SPAG9: variants seen among roughly 807,000 people sequenced by gnomAD.
SPAG9 encodes C-Jun-amino-terminal kinase-interacting protein 4.
A neutral mutation model predicts 166.5 loss-of-function variants in SPAG9; 35 were observed. The ratio of observed to expected loss-of-function variants is 0.21; its 90% CI spans 0.16 to 0.28. SPAG9 has a LOEUF of 0.28. Among genes scored for constraint, SPAG9 ranks in the 10% least tolerant of loss-of-function variants. SPAG9 has a pLI of 1.00. For synonymous variants in SPAG9, 534 were observed against 565.5 expected (o/e 0.94, Z 0.79); for missense variants, 1,235 against 1,603.3 (o/e 0.77, Z 3.92).
At chr17:51,071,079 C>T (rs755388235) in intron 2 of SPAG9, among the ~76,000 whole-genome samples, 1 of 152,100 alleles carries the variant, frequency 6.6e-6, no homozygotes, top group Admixed American at 6.6e-5. Context: ...CCTCCCCCCA[C>T]TAAACTATGA....
chr17:51,083,583 A>ATTTATTTATTT, intron 1 of SPAG9, among the ~76,000 whole-genome samples: 2 of 148,794 alleles, frequency 1.3e-5, no homozygotes, highest in South Asian at 2.1e-4. Context: ...TTATTTATTT[A>ATTTATTTATTT]AGATGTAGGT....
At chr17:50,991,200 C>T (rs1368727602) in intron 19 of SPAG9, among the ~76,000 whole-genome samples, 1 of 152,062 alleles carries the variant, frequency 6.6e-6, no homozygotes, top group Non-Finnish European at 1.5e-5. Context: ...CCACGCCTAG[C>T]CAGCTTCTGT....
chr17:51,038,555 G>A (rs553848431), intron 5 of SPAG9, among the ~76,000 whole-genome samples: 1 of 152,276 alleles, frequency 6.6e-6, no homozygotes, highest in South Asian at 2.1e-4. Context: ...AAGGCATGTT[G>A]GTGCAGTAGG....
chr17:51,037,693 T>TATATATATATATATATATATATA (rs1568028403), intron 5 of SPAG9, among the ~76,000 whole-genome samples: 2 of 89,886 alleles, frequency 2.2e-5, no homozygotes, highest in South Asian at 3.2e-4. Flanking sequence ...ATAGTGTGTG[T>TATATATATATATATATATATATA]GTGTGTGTGT....
rs2049460823 is a variant in SPAG9, at chr17:51,120,860, C to T, written c.-204G>A. The T allele has an allele frequency of 6.5e-6, 2 of 307,740 alleles. No individual in the cohort carries two copies. Among genetic ancestry groups the T allele is most frequent in the African/African-American group, 4.4e-5 (2 of 45,456 alleles). The allele number at this position is 307,740 out of a possible 1,614,324, so 19.1% of individuals were successfully genotyped here. A position where few individuals can be genotyped will look rare whatever the true frequency, so the allele number is the denominator to read the frequency against. ...CGCTCTCACCCCAACCGCCGCTGCA[C>T]CAACTGCCGGGGCGGCCCGGCCGCG... On this transcript the variant is annotated 5_prime_UTR_variant, in exon 1 of 30. In the 5' UTR this introduces an upstream ATG that the reference lacks. Transcript: ENST00000262013. This position sits in a 1 kb window ranked among gnomAD's most constrained non-coding sequence, Gnocchi z 4.7.
At chr17:51,040,334 T>C (rs1413554256) in intron 5 of SPAG9, 1 of 151,498 alleles carries the variant, frequency 6.6e-6, no homozygotes, top group Admixed American at 6.6e-5. Flanking sequence ...TTCTAACAAA[T>C]TGGGGCAAGA....
chr17:50,968,592 G>A (rs1319479646), intron 29 of SPAG9, among the ~76,000 whole-genome samples: 3 of 152,044 alleles, frequency 2.0e-5, no homozygotes, highest in East Asian at 1.9e-4. Flanking sequence ...TTAACCAGGC[G>A]TGGTGGCACA....
At chr17:50,983,465 C>G (rs904669206) in intron 24 of SPAG9, among the ~76,000 whole-genome samples, 1 of 152,192 alleles carries the variant, frequency 6.6e-6, no homozygotes, top group Non-Finnish European at 1.5e-5. Context: ...CTGTCTTTAT[C>G]TAGCCTAGTA....
intron 1 of SPAG9, among the ~76,000 whole-genome samples, chr17:51,119,221 A>G (rs2049398037): frequency 6.6e-6 from 1 of 152,206 alleles, no homozygotes; most frequent in Non-Finnish European, 1.5e-5. Context: ...TGGTGTTACT[A>G]TTCAGTGTCA....
chr17:51,100,535 G>A (rs975947830), intron 1 of SPAG9, among the ~76,000 whole-genome samples: 1 of 152,136 alleles, frequency 6.6e-6, no homozygotes, highest in Non-Finnish European at 1.5e-5. Flanking sequence ...TTGGGAGGCT[G>A]AGGTGGAAGG....
chr17:50,990,653 T>C lies in SPAG9; in HGVS notation c.2414A>G (p.Asp805Gly), dbSNP rs1489419124. 1.2e-6 allele frequency: 2 copies of C among 1,613,982 alleles called. No homozygotes were observed. Among genetic ancestry groups the C allele is most frequent in the Admixed American group, 3.3e-5 (2 of 60,006 alleles). ...TGAAAGATCTTCTCCTGCAGGGTAG[T>C]CTGTTTCTCGTGCACCTGAAAAATA... ...IASVPGARETDYPAGEDLSES... is the reference protein window; with the variant it reads ...IASVPGARETGYPAGEDLSES... The change falls in exon 20 of 30, where the codon GAC becomes GGC. Residue 805 changes from aspartate to glycine, a missense_variant. Asp to Gly is a moderately conservative substitution (Grantham distance 94). Transcript: ENST00000262013.
chr17:51,057,379 T>C (rs1252500181), intron 2 of SPAG9, among the ~76,000 whole-genome samples: 1 of 152,156 alleles, frequency 6.6e-6, no homozygotes, highest in Non-Finnish European at 1.5e-5. Context: ...TGGAAAGCCT[T>C]AGCATAGTTG....
intron 6 of SPAG9, among the ~76,000 whole-genome samples, chr17:51,029,917 T>C (rs1428842236): frequency 6.6e-6 from 1 of 152,208 alleles, no homozygotes; most frequent in African/African-American, 2.4e-5. Context: ...ATGGTTAAAA[T>C]GGTCATTTTT....
At chr17:50,985,980 C>G (rs1052780646) in intron 22 of SPAG9, among the ~76,000 whole-genome samples, 6 of 152,188 alleles carry the variant, frequency 3.9e-5, no homozygotes, top group Non-Finnish European at 8.8e-5. Flanking sequence ...GGCTGCTGAG[C>G]AAAGAAAAAC....
chr17:50,997,809 C>T (rs1439844868), intron 15 of SPAG9, among the ~76,000 whole-genome samples: 5 of 151,950 alleles, frequency 3.3e-5, no homozygotes, highest in Non-Finnish European at 7.4e-5. Flanking sequence ...TCCTCTGACA[C>T]CAACAGAAAT....
In SPAG9 at chr17:50,970,760, A is replaced by C; in HGVS notation, c.3797T>G (p.Leu1266Trp). 1.2e-6 allele frequency: 2 copies of C among 1,614,140 alleles called. No homozygotes were observed. Among genetic ancestry groups the C allele is most frequent in the Non-Finnish European group, 1.7e-6 (2 of 1,180,010 alleles). ...SAQEPGSQTPLKSMLVISGGE... is the reference protein window; with the variant it reads ...SAQEPGSQTPWKSMLVISGGE... ...TCCACTGATGACAAGCATAGACTTC[A>C]AGGGCGTCTGACTACCAGGCTCCTG... Residue 1266 changes from leucine (L) to tryptophan (W), a missense_variant, in exon 29 of 30, where the codon TTG becomes TGG. Leu to Trp is a moderately conservative substitution (Grantham distance 61). Coordinates refer to ENST00000262013, the MANE Select transcript of SPAG9 (RefSeq NM_001130528.3).
At chr17:51,042,939 GA>G (rs1240452453) in intron 4 of SPAG9, among the ~76,000 whole-genome samples, 1 of 152,184 alleles carries the variant, frequency 6.6e-6, no homozygotes, top group African/African-American at 2.4e-5. Flanking sequence ...TGCCCAGACT[GA>G]AGTACAGTGG....
chr17:50,963,152 G>A lies in SPAG9; in HGVS notation c.*3120C>T, dbSNP rs933509417. The A allele has an allele frequency of 6.6e-6, 1 of 152,182 alleles. No homozygotes were observed. The highest frequency in any genetic ancestry group is 2.4e-5 in the African/African-American group (1 of 41,432). 9.4% of individuals were successfully genotyped at this position (152,182 alleles called of 1,614,324 possible). A position where few individuals can be genotyped will look rare whatever the true frequency, so the allele number is the denominator to read the frequency against. On this transcript the variant is annotated 3_prime_UTR_variant, in exon 30 of 30. Transcript: ENST00000262013. ...TTTCATATGGTTCAACCTTGCACAT[G>A]ACTCAAGTGTAAAAAAAGGAGAAAC...
chr17:51,041,710 T>A, intron 4 of SPAG9, 59 bp from the exon 5 acceptor site: 2 of 1,525,468 alleles, frequency 1.3e-6, no homozygotes, highest in Non-Finnish European at 9.0e-7. Flanking sequence ...TTATTTGCCA[T>A]GACTATAAGT....
Sources: allele counts gnomAD v4.1 joint callset (sites outside exome capture counted in the v4.1 genomes callset), GRCh38; gene constraint gnomAD v4.1.1; non-coding constraint Gnocchi (gnomAD v3.1); transcripts MANE v1.5; gene names NCBI Gene and HGNC (gene_info 2026-07-23, HGNC 2026-07-21).